NDST1: variants seen among roughly 807,000 people sequenced by gnomAD.
The protein encoded by NDST1 is bifunctional heparan sulfate N-deacetylase/N-sulfotransferase 1.
A neutral mutation model predicts 92.8 loss-of-function variants in NDST1; 35 were observed. The observed-to-expected ratio is 0.38, with a 90% CI of 0.29 to 0.50. The LOEUF is 0.50. NDST1 is among the 20% of genes least tolerant of loss of function. NDST1 has a pLI of 0.94. For synonymous variants in NDST1, 493 were observed against 500.3 expected, an observed-to-expected ratio of 0.99 and a Z score of 0.19; for missense variants, 822 against 1,182.7, an observed-to-expected ratio of 0.69 and a Z score of 4.47.
intron 2 of NDST1, among the ~76,000 whole-genome samples, chr5:150,524,555 G>A (rs1265648820): frequency 6.6e-6 from 1 of 152,250 alleles, no homozygotes; most frequent in Non-Finnish European, 1.5e-5. Context: ...CAGTCACTGA[G>A]CTCGGTGCTT....
intron 13 of NDST1, among the ~76,000 whole-genome samples, chr5:150,551,075 G>A (rs1227135605): frequency 6.6e-6 from 1 of 152,084 alleles, no homozygotes; most frequent in African/African-American, 2.4e-5. Context: ...CTGTTTTCTT[G>A]ATGCCCTCAT....
chr5:150,510,939 G>A (rs938773142), intron 1 of NDST1, among the ~76,000 whole-genome samples: 1 of 152,234 alleles, frequency 6.6e-6, no homozygotes, highest in Non-Finnish European at 1.5e-5. Context: ...AGGGCATCTG[G>A]CAAATGTTAG....
intron 1 of NDST1, among the ~76,000 whole-genome samples, chr5:150,515,285 T>A (rs1318317658): frequency 6.6e-6 from 1 of 152,242 alleles, no homozygotes; most frequent in African/African-American, 2.4e-5. Context: ...CACCAGAACT[T>A]GCCCTCTTTA....
At chr5:150,548,024 A>T (rs2151302429) in intron 11 of NDST1, among the ~76,000 whole-genome samples, 194 bp from the exon 12 acceptor site, 1 of 152,210 alleles carries the variant, frequency 6.6e-6, no homozygotes, top group East Asian at 1.9e-4. Flanking sequence ...TATTTCAAAG[A>T]TGGAGAAGTT....
intron 1 of NDST1, among the ~76,000 whole-genome samples, chr5:150,515,553 T>A (rs971272045): frequency 2.6e-5 from 4 of 152,026 alleles, no homozygotes; most frequent in Non-Finnish European, 5.9e-5. Flanking sequence ...GGAACCTGGA[T>A]CTTGAAAGAT....
At chr5:150,530,041 C>T (rs773822555) in intron 3 of NDST1, among the ~76,000 whole-genome samples, 12 of 152,296 alleles carry the variant, frequency 7.9e-5, no homozygotes, top group Middle Eastern at 3.4e-3. Context: ...AGGTCCCCTC[C>T]CATGCCTGAG....
At chr5:150,499,867 G>A (rs1753156192) in intron 1 of NDST1, among the ~76,000 whole-genome samples, 1 of 152,202 alleles carries the variant, frequency 6.6e-6, no homozygotes, top group Admixed American at 6.5e-5. Context: ...TTAGGGAGGG[G>A]AGGACTGTGC....
intron 1 of NDST1, among the ~76,000 whole-genome samples, chr5:150,498,894 T>C (rs1181781136): frequency 6.6e-6 from 1 of 152,228 alleles, no homozygotes; most frequent in African/African-American, 2.4e-5. Context: ...CACAGGAGTC[T>C]AGATGACTTG....
chr5:150,550,226 G>A (rs373582643), intron 13 of NDST1, among the ~76,000 whole-genome samples: 1 of 151,420 alleles, frequency 6.6e-6, no homozygotes, highest in African/African-American at 2.4e-5. Flanking sequence ...TCAGCTTCCC[G>A]AGTAGCTTGG....
chr5:150,498,706 G>A (rs71586176), intron 1 of NDST1, among the ~76,000 whole-genome samples: 1,793 of 152,242 alleles, frequency 0.012, 15 homozygotes, highest in Non-Finnish European at 0.016. Flanking sequence ...CGGAGCTGTC[G>A]TTAGCTGACC....
intron 1 of NDST1, among the ~76,000 whole-genome samples, chr5:150,511,332 A>G (rs920551870): frequency 6.6e-6 from 1 of 152,156 alleles, no homozygotes; most frequent in Non-Finnish European, 1.5e-5. Flanking sequence ...CTTTCAGTGA[A>G]GTTGGGAGCC....
At chr5:150,511,795 G>C (rs1433181225) in intron 1 of NDST1, among the ~76,000 whole-genome samples, 1 of 152,120 alleles carries the variant, frequency 6.6e-6, no homozygotes, top group African/African-American at 2.4e-5. Flanking sequence ...TTCTGGTCTC[G>C]GCCTCCCAGG....
chr5:150,500,752 G>A (rs2151233971), intron 1 of NDST1, among the ~76,000 whole-genome samples: 1 of 152,360 alleles, frequency 6.6e-6, no homozygotes, highest in South Asian at 2.1e-4. Context: ...GTGGTCCTGT[G>A]GCAGGCAGGC....
At position 150,521,294 on chromosome 5, in the gene NDST1, G is replaced by A. The variant is rs377262041; in HGVS notation, c.40G>A (p.Val14Met). ...ATGCCTCCGGAGGCTGTGTCGGCAC[G>A]TGTCCCCGCAGGCTGTCCTTTTCCT... ...LACLRRLCRHVSPQAVLFLLF... is the reference protein window; with the variant it reads ...LACLRRLCRHMSPQAVLFLLF... Residue 14 changes from valine to methionine, a missense_variant, in exon 2 of 15, where the codon GTG becomes ATG. By Grantham distance (21) the Val-to-Met change is conservative (BLOSUM62 1). Transcript: ENST00000261797. The surrounding 1 kb of genome is among the most constrained non-coding windows in gnomAD (Gnocchi z 5.9). 3.3e-5 allele frequency: 53 copies of A among 1,612,366 alleles called. No homozygotes were observed. Among genetic ancestry groups the A allele is most frequent in the Non-Finnish European group, 4.0e-5 (47 of 1,179,878 alleles).
intron 6 of NDST1, among the ~76,000 whole-genome samples, chr5:150,537,400 G>T (rs1048598066): frequency 1.3e-5 from 2 of 152,220 alleles, no homozygotes; most frequent in South Asian, 2.1e-4. Context: ...TCCCTAAGAA[G>T]AGAATGCGTT....
intron 3 of NDST1, among the ~76,000 whole-genome samples, chr5:150,532,299 A>G (rs1754779232): frequency 6.6e-6 from 1 of 152,154 alleles, no homozygotes; most frequent in Non-Finnish European, 1.5e-5. Flanking sequence ...AGATATTATC[A>G]TCCCTGTTTT....
chr5:150,523,956 A>C (rs1232110920), intron 2 of NDST1, among the ~76,000 whole-genome samples: 1 of 152,140 alleles, frequency 6.6e-6, no homozygotes, highest in Non-Finnish European at 1.5e-5. Context: ...TGGTCAAGGC[A>C]CATCTTTCCA....
At chr5:150,541,543 CA>C (rs1755249459) in intron 8 of NDST1, 26 bp from the exon 9 acceptor site, 1 of 1,610,708 alleles carries the variant, frequency 6.2e-7, no homozygotes, top group Non-Finnish European at 8.5e-7. Context: ...TGGGGCGCCC[CA>C]CACATCCCTT....
At position 150,521,097 on chromosome 5, in the gene NDST1, G is replaced by A; in HGVS notation, c.-158G>A. On this transcript the variant is annotated 5_prime_UTR_variant, in exon 2 of 15. Transcript: ENST00000261797. This position sits in a 1 kb window ranked among gnomAD's most constrained non-coding sequence, Gnocchi z 5.9. ...CCCTGGCTGGGAGGAAGGACTGGGG[G>A]CCCAGATCCTCCACTCCCAGTGCCC... 1.5e-6 allele frequency: 1 copy of A among 660,316 alleles called. No individual in the cohort carries two copies. The allele number at this position is 660,316 out of a possible 1,614,324, so 40.9% of individuals were successfully genotyped here.
Sources: gnomAD v4.1 joint callset for allele counts (sites outside exome capture counted in the v4.1 genomes callset) on GRCh38, gnomAD v4.1.1 for gene constraint, Gnocchi (gnomAD v3.1) non-coding constraint, MANE v1.5 for transcripts, NCBI Gene and HGNC (gene_info 2026-07-23, HGNC 2026-07-21) for gene names.